Variants in MARCHF5 observed in about 807,000 individuals in gnomAD.
The protein encoded by MARCHF5 is membrane associated ring-CH-type finger 5, also known as E3 ubiquitin-protein ligase MARCHF5.
MARCHF5 carries 5 observed loss-of-function variants against 36.5 expected under a neutral mutation model. That is an observed-to-expected ratio of 0.14 (90% confidence interval 0.07 to 0.29). The LOEUF (loss-of-function observed/expected upper bound fraction) is 0.29. Ranked by LOEUF, MARCHF5 falls within the 10% of genes least tolerant of loss-of-function variation. The pLI is 1.00. For missense variants in MARCHF5, 179 were observed against 336.3 expected (o/e 0.53, Z 3.66); for synonymous variants, 103 against 109.9 (o/e 0.94, Z 0.39).
At chr10:92,326,696 C>G (rs1843364513) in intron 2 of MARCHF5, among the ~76,000 whole-genome samples, 1 of 151,816 alleles carries the variant, frequency 6.6e-6, no homozygotes, top group Non-Finnish European at 1.5e-5. Flanking sequence ...GTTCTCTTTT[C>G]TTTCTTGATA....
chr10:92,351,904 G>A lies in MARCHF5; in HGVS notation c.*697G>A, dbSNP rs1010222309. On this transcript the variant is annotated 3_prime_UTR_variant, in exon 6 of 6. Transcript: ENST00000358935. ...AAGTAATTTTGACTCATGCAGTCGT[G>A]TGTGTGTGTGTGTGTGTGTGTGTGT... 2.5e-5 allele frequency: 1 copy of A among 39,434 alleles called. No homozygotes were observed. The highest frequency in any genetic ancestry group is 9.2e-5 in the African/African-American group (1 of 10,888). The allele number at this position is 39,434 out of a possible 1,614,324, so 2.4% of individuals were successfully genotyped here. A position where few individuals can be genotyped will look rare whatever the true frequency, so the allele number is the denominator to read the frequency against.
At chr10:92,321,948 A>G (rs1843292377) in intron 2 of MARCHF5, among the ~76,000 whole-genome samples, 1 of 151,992 alleles carries the variant, frequency 6.6e-6, no homozygotes, top group South Asian at 2.1e-4. Flanking sequence ...GTCTAGCTAA[A>G]GATTTGTCAG....
Position 92,324,691 on chromosome 10 carries a change from G to A in MARCHF5, c.238+13354G>A, listed in dbSNP as rs1843333275. Among the ~76,000 whole-genome samples the A allele has an allele frequency of 2.6e-5, 4 of 151,910 alleles. No homozygotes were observed. In the South Asian group the frequency reaches 8.3e-4, roughly 32 times the overall value. ...AGCTGTATATCATAATTTTTGTTGG[G>A]TTTTCATTTATCTCAAAATATTTTC... On this transcript the variant is annotated intron_variant, in intron 2 of 5. Coordinates refer to ENST00000358935, the MANE Select transcript of MARCHF5 (RefSeq NM_017824.5).
chr10:92,295,547 A>G (rs1842940584), intron 1 of MARCHF5, among the ~76,000 whole-genome samples: 1 of 150,548 alleles, frequency 6.6e-6, no homozygotes, highest in Non-Finnish European at 1.5e-5. Context: ...GGCTGGGACT[A>G]CAGGCACCCG....
intron 1 of MARCHF5, among the ~76,000 whole-genome samples, chr10:92,306,531 C>G (rs182348661): frequency 6.6e-6 from 1 of 152,306 alleles, no homozygotes; most frequent in Admixed American, 6.5e-5. Context: ...ACTGTCCCCT[C>G]CATTCCAAGA....
intron 3 of MARCHF5, among the ~76,000 whole-genome samples, chr10:92,345,339 C>A (rs1164744196): frequency 6.6e-6 from 1 of 152,030 alleles, no homozygotes; most frequent in East Asian, 1.9e-4. Context: ...GATGAAACCC[C>A]ATCTCTACCA....
chr10:92,338,955 G>A (rs562623772), intron 2 of MARCHF5, among the ~76,000 whole-genome samples: 5 of 151,598 alleles, frequency 3.3e-5, no homozygotes, highest in Non-Finnish European at 5.9e-5. Context: ...TGAGGCAGGA[G>A]AATCACTTGA....
At chr10:92,343,644 A>G (rs1843606736) in intron 3 of MARCHF5, among the ~76,000 whole-genome samples, 1 of 152,170 alleles carries the variant, frequency 6.6e-6, no homozygotes, top group Non-Finnish European at 1.5e-5. Flanking sequence ...ATCTCAGCTC[A>G]CCGCAACCTC....
intron 3 of MARCHF5, among the ~76,000 whole-genome samples, chr10:92,343,647 G>T (rs1439833755): frequency 6.6e-6 from 1 of 152,126 alleles, no homozygotes; most frequent in East Asian, 1.9e-4. Flanking sequence ...TCAGCTCACC[G>T]CAACCTCCGC....
intron 2 of MARCHF5, among the ~76,000 whole-genome samples, chr10:92,331,183 A>G (rs1590661677): frequency 6.6e-6 from 1 of 152,128 alleles, no homozygotes; most frequent in African/African-American, 2.4e-5. Flanking sequence ...AGCTGTTTTT[A>G]TGTGTTAATA....
chr10:92,298,335 C>T (rs1421810731), intron 1 of MARCHF5, among the ~76,000 whole-genome samples: 1 of 152,078 alleles, frequency 6.6e-6, no homozygotes, highest in Non-Finnish European at 1.5e-5. Context: ...TGAGAAAGTA[C>T]ACTTACTCAC....
At chr10:92,347,731 G>C (rs562987143) in intron 3 of MARCHF5, among the ~76,000 whole-genome samples, 1 of 151,304 alleles carries the variant, frequency 6.6e-6, no homozygotes, top group Non-Finnish European at 1.5e-5. Context: ...GTTCTACCTG[G>C]AGACACAGAA....
At chr10:92,311,779 G>A (rs557033503) in intron 2 of MARCHF5, among the ~76,000 whole-genome samples, 3 of 152,278 alleles carry the variant, frequency 2.0e-5, no homozygotes, top group Middle Eastern at 6.8e-3. Context: ...AAGATGTGAC[G>A]TTAAACTCAT....
chr10:92,318,373 T>C (rs1164443092), intron 2 of MARCHF5, among the ~76,000 whole-genome samples: 2 of 147,290 alleles, frequency 1.4e-5, no homozygotes, highest in Non-Finnish European at 3.0e-5. Flanking sequence ...TTTCAGTGTA[T>C]CAAGAGAATG....
intron 1 of MARCHF5, among the ~76,000 whole-genome samples, chr10:92,295,403 A>ATTTTT (rs1218569309): frequency 2.7e-4 from 18 of 67,578 alleles, no homozygotes; most frequent in South Asian, 9.9e-4. Flanking sequence ...TTATTTATTT[A>ATTTTT]TTTATTTTTT....
chr10:92,346,582 G>T, intron 3 of MARCHF5, among the ~76,000 whole-genome samples: 1 of 137,090 alleles, frequency 7.3e-6, no homozygotes. Flanking sequence ...TCCACCTCTT[G>T]GGTTCAAGCG....
Position 92,351,239 on chromosome 10 carries a change from A to C in MARCHF5, c.*32A>C. The C allele has an allele frequency of 3.1e-6, 4 of 1,271,370 alleles. No individual in the cohort carries two copies. Among genetic ancestry groups the C allele is most frequent in the Non-Finnish European group, 3.4e-6 (3 of 873,096 alleles). The allele number at this position is 1,271,370 out of a possible 1,614,324, so 78.8% of individuals were successfully genotyped here. On this transcript the variant is annotated 3_prime_UTR_variant, in exon 6 of 6. Transcript: ENST00000358935. ...CTTCTGGTTGTTCTGCAGTTCTCTC[A>C]TCCTTATGAATCTGTTGTGTTGTTT...
chr10:92,349,969 T>C (rs1843698006), intron 5 of MARCHF5, 132 bp downstream of exon 5: 3 of 666,892 alleles, frequency 4.5e-6, no homozygotes, highest in Non-Finnish European at 7.6e-6. Flanking sequence ...TGAGCCTCAC[T>C]ATCATTCAAT....
chr10:92,351,867 T>C lies in MARCHF5; in HGVS notation c.*660T>C, dbSNP rs895929863. 1.3e-5 allele frequency: 2 copies of C among 152,204 alleles called. No homozygotes were observed. The highest frequency in any genetic ancestry group is 2.9e-5 in the Non-Finnish European group (2 of 68,046). The allele number at this position is 152,204 out of a possible 1,614,324, so 9.4% of individuals were successfully genotyped here. A position where few individuals can be genotyped will look rare whatever the true frequency, so the allele number is the denominator to read the frequency against. On this transcript the variant is annotated 3_prime_UTR_variant, in exon 6 of 6. Coordinates refer to ENST00000358935, the MANE Select transcript of MARCHF5 (RefSeq NM_017824.5). ...ATTTTATTTACATAATGTTGACATC[T>C]CATACTTCATGAAGTAATTTTGACT...
Sources: allele counts gnomAD v4.1 joint callset (sites outside exome capture counted in the v4.1 genomes callset), GRCh38; gene constraint gnomAD v4.1.1; transcripts MANE v1.5; gene names NCBI Gene and HGNC (gene_info 2026-07-23, HGNC 2026-07-21).